SPIRE1: variants seen among roughly 807,000 people sequenced by gnomAD.
SPIRE1 encodes the protein spire type actin nucleation factor 1.
Under a neutral mutation model 94.1 loss-of-function variants are expected in SPIRE1, and 40 were observed. The observed-to-expected ratio is 0.43, with a 90% CI of 0.33 to 0.55. The LOEUF is 0.55. SPIRE1 is among the 20% of genes least tolerant of loss of function. The pLI is 0.06. For synonymous variants in SPIRE1, 376 were observed against 371.7 expected (o/e 1.01, Z -0.13); for missense variants, 838 against 975.2 (o/e 0.86, Z 1.87).
chr18:12,648,302 TAATC>T (rs2038280707), intron 1 of SPIRE1, among the ~76,000 whole-genome samples: 1 of 152,166 alleles, frequency 6.6e-6, no homozygotes, highest in Admixed American at 6.5e-5. Flanking sequence ...AACACTGTCT[TAATC>T]AAGTGTCCAG....
At chr18:12,651,906 C>G (rs2144896266) in intron 1 of SPIRE1, among the ~76,000 whole-genome samples, 1 of 152,264 alleles carries the variant, frequency 6.6e-6, no homozygotes, top group East Asian at 1.9e-4. Flanking sequence ...AGTATGCACA[C>G]AGGCATTCAT....
At position 12,658,013 on chromosome 18, in the gene SPIRE1, G is replaced by T; in HGVS notation, c.-147C>A. 1 of 993,332 alleles carries T rather than the reference G, an allele frequency of 1.0e-6. No homozygotes were observed. Among genetic ancestry groups the T allele is most frequent in the South Asian group, 4.6e-5 (1 of 21,668 alleles). 61.5% of individuals were successfully genotyped at this position (993,332 alleles called of 1,614,324 possible). On this transcript the variant is annotated 5_prime_UTR_variant, in exon 1 of 17. Transcript: ENST00000409402. ...GCGCGCGCCGCCGCCGGGACCAGGC[G>T]AGTGCCCGGGAGGCGTGGGCAAGAG...
chr18:12,459,737 C>G, intron 12 of SPIRE1: 1 of 985,622 alleles, frequency 1.0e-6, no homozygotes, highest in Non-Finnish European at 1.2e-6. Flanking sequence ...ATCCCAGACC[C>G]AGCAGAAAGA....
At chr18:12,454,951 T>C (rs550000003) in intron 12 of SPIRE1, among the ~76,000 whole-genome samples, 1 of 151,774 alleles carries the variant, frequency 6.6e-6, no homozygotes, top group East Asian at 1.9e-4. Context: ...TTTTTTTTTT[T>C]CCACAACAGG....
chr18:12,615,556 A>AAAAAAAAAAAAAAAAAAT (rs2037283701), intron 2 of SPIRE1, among the ~76,000 whole-genome samples: 1 of 146,950 alleles, frequency 6.8e-6, no homozygotes, highest in Non-Finnish European at 1.5e-5. Context: ...AAAAAAAAAA[A>AAAAAAAAAAAAAAAAAAT]TCCCAAATTT....
At chr18:12,525,576 G>T (rs763097303) in intron 4 of SPIRE1, among the ~76,000 whole-genome samples, 1 of 152,046 alleles carries the variant, frequency 6.6e-6, no homozygotes, top group South Asian at 2.1e-4. Flanking sequence ...ATTTATGGGG[G>T]ATTGGAGTGG....
At chr18:12,515,489 C>G (rs2034170168) in intron 4 of SPIRE1, among the ~76,000 whole-genome samples, 2 of 152,082 alleles carry the variant, frequency 1.3e-5, no homozygotes, top group South Asian at 2.1e-4. Flanking sequence ...TGCACTCCAA[C>G]CTGGGCGACA....
chr18:12,536,129 T>C (rs568027284), intron 3 of SPIRE1, among the ~76,000 whole-genome samples: 3 of 152,292 alleles, frequency 2.0e-5, no homozygotes, highest in East Asian at 1.9e-4. Flanking sequence ...ACAGCACAGA[T>C]GAGCTTACTA....
Position 12,630,244 on chromosome 18 carries a change from G to A in SPIRE1, c.372+4818C>T, listed in dbSNP as rs2037738841. Among the ~76,000 whole-genome samples the A allele has an allele frequency of 2.0e-5, 3 of 152,228 alleles. No individual in the cohort carries two copies. In the South Asian group the frequency reaches 6.2e-4, roughly 31 times the overall value. ...TAAAGAGATTTTGTTCTCCCTGGGA[G>A]TCTGTAAGCCTTGCTTAAGAAGGAC... On this transcript the variant is annotated intron_variant, in intron 2 of 16. Coordinates refer to ENST00000409402, the MANE Select transcript of SPIRE1 (RefSeq NM_001128626.2).
chr18:12,556,292 G>T (rs969576821), intron 2 of SPIRE1, among the ~76,000 whole-genome samples: 1 of 151,206 alleles, frequency 6.6e-6, no homozygotes, highest in Non-Finnish European at 1.5e-5. Flanking sequence ...ATTCTTCATA[G>T]AAATAGAAAA....
intron 2 of SPIRE1, among the ~76,000 whole-genome samples, chr18:12,556,733 G>A (rs898094399): frequency 2.6e-5 from 4 of 152,164 alleles, no homozygotes; most frequent in African/African-American, 9.7e-5. Context: ...GGCTTCAGGA[G>A]TGAAGCTGCA....
intron 2 of SPIRE1, among the ~76,000 whole-genome samples, chr18:12,622,132 A>G (rs575433955): frequency 7.9e-5 from 12 of 152,254 alleles, no homozygotes; most frequent in Non-Finnish European, 1.5e-4. Flanking sequence ...CTACTCCTTC[A>G]GTCACCAGGC....
chr18:12,634,453 A>C (rs1319680462), intron 2 of SPIRE1, among the ~76,000 whole-genome samples: 1 of 152,018 alleles, frequency 6.6e-6, no homozygotes, highest in Non-Finnish European at 1.5e-5. Context: ...TGAAAAAAAA[A>C]CTGAAATTAC....
Position 12,546,738 on chromosome 18 carries a change from CCTT to C in SPIRE1, c.536_538del (p.Glu179del), listed in dbSNP as rs747812076. Reference sequence around the variant, plus strand: ...TCTCTTTTCATCTTCATCTCCCAGGCCTTCTTCTGCAGCCTCATAGCCCTCATC... The same window carrying C: ...TCTCTTTTCATCTTCATCTCCCAGGCCTTCTGCAGCCTCATAGCCCTCATC... On this transcript the variant is annotated inframe_deletion, in exon 3 of 17. Transcript: ENST00000409402. The C allele has an allele frequency of 6.2e-7, 1 of 1,614,156 alleles. No individual in the cohort carries two copies. The highest frequency in any genetic ancestry group is 1.7e-5 in the Admixed American group (1 of 60,016).
At chr18:12,499,318 T>C (rs1318231947) in intron 6 of SPIRE1, among the ~76,000 whole-genome samples, 1 of 152,182 alleles carries the variant, frequency 6.6e-6, no homozygotes, top group East Asian at 1.9e-4. Context: ...TGAACATAGG[T>C]GTATGAGTTT....
At chr18:12,623,239 C>T (rs2037525933) in intron 2 of SPIRE1, among the ~76,000 whole-genome samples, 3 of 151,948 alleles carry the variant, frequency 2.0e-5, no homozygotes, top group Admixed American at 2.0e-4. Context: ...CTGCAAGCTC[C>T]ACCTCCTAGG....
chr18:12,570,550 A>G (rs1277826797), intron 2 of SPIRE1, among the ~76,000 whole-genome samples: 1 of 152,224 alleles, frequency 6.6e-6, no homozygotes, highest in African/African-American at 2.4e-5. Flanking sequence ...ATATCTGTAT[A>G]GCACTTCATT....
intron 4 of SPIRE1, among the ~76,000 whole-genome samples, chr18:12,519,208 A>G (rs1345410697): frequency 6.6e-6 from 1 of 152,254 alleles, no homozygotes; most frequent in Non-Finnish European, 1.5e-5. Context: ...ATTCGAATTT[A>G]TATGGTTCAC....
chr18:12,541,980 T>A (rs2035027448), intron 3 of SPIRE1, among the ~76,000 whole-genome samples: 2 of 142,208 alleles, frequency 1.4e-5, no homozygotes, highest in African/African-American at 3.0e-5. Flanking sequence ...TAATGAGGCT[T>A]TTTTTTTTTC....
Sources: gnomAD v4.1 joint callset for allele counts (sites outside exome capture counted in the v4.1 genomes callset) on GRCh38, gnomAD v4.1.1 for gene constraint, MANE v1.5 for transcripts, NCBI Gene and HGNC (gene_info 2026-07-23, HGNC 2026-07-21) for gene names.